Variants in COL19A1 observed in about 807,000 individuals in gnomAD.
COL19A1 encodes the protein collagen alpha-1(XIX) chain.
Under a neutral mutation model 190.2 loss-of-function variants are expected in COL19A1, and 159 were observed. That is an observed-to-expected ratio of 0.84 (90% CI 0.73 to 0.95). The LOEUF (loss-of-function observed/expected upper bound fraction) is 0.95, where lower values mean the gene tolerates loss of function less well. Ranked by LOEUF, COL19A1 falls within the 40% of genes least tolerant of loss-of-function variation. The pLI, the probability that COL19A1 is intolerant of heterozygous loss-of-function variation, is 0.00. For missense variants in COL19A1, 1,418 were observed against 1,431.9 expected (o/e 0.99, Z 0.16); for synonymous variants, 509 against 458.9 (o/e 1.11, Z -1.39).
At position 70,146,844 on chromosome 6, in the gene COL19A1, C is replaced by T. The variant is rs1786685430; in HGVS notation, c.1848C>T (p.Ser616=). The change falls in exon 27 of 51, where the codon TCC becomes TCT. Residue 616 remains serine (S), a synonymous_variant. Transcript: ENST00000620364. ...GERGLPGVHG[S]PGDIGPQGIG... is the part of the protein sequence containing the mutation. Reference sequence around the variant, plus strand: ...GAGGACTTCCAGGTGTTCACGGTTCCCCAGGGGACATAGGCCCACAAGGGA... The same window carrying T: ...GAGGACTTCCAGGTGTTCACGGTTCTCCAGGGGACATAGGCCCACAAGGGA... 1.3e-6 allele frequency: 2 copies of T among 1,596,250 alleles called. No individual in the cohort carries two copies. The highest frequency in any genetic ancestry group is 8.5e-7 in the Non-Finnish European group (1 of 1,172,706).
intron 15 of COL19A1, among the ~76,000 whole-genome samples, chr6:70,094,998 G>T (rs1457545210): frequency 6.6e-6 from 1 of 152,128 alleles, no homozygotes; most frequent in African/African-American, 2.4e-5. Context: ...ACATACTTAT[G>T]CAACCACCAC....
In COL19A1 at chr6:70,188,076, G is replaced by A; in HGVS notation, c.2858G>A (p.Gly953Asp). The change falls in exon 47 of 51, where the codon GGT becomes GAT. Residue 953 changes from glycine to aspartate, a missense_variant and splice_region_variant. Physicochemically the swap from Gly to Asp is moderately conservative, Grantham distance 94. Transcript: ENST00000620364. Reference protein sequence around the residue: ...PGDRGPKGERGDQGIPGDRGS... With the variant: ...PGDRGPKGERDDQGIPGDRGS... ...TTGTTATTATTTTTTCCTTAACAGG[G>A]TGATCAGGGGATTCCAGGAGACAGA... 2 of 1,612,812 alleles carry A rather than the reference G, an allele frequency of 1.2e-6. No homozygotes were observed. The highest frequency in any genetic ancestry group is 1.7e-6 in the Non-Finnish European group (2 of 1,179,538).
At chr6:69,898,830 A>G in intron 2 of COL19A1, 118 bp from the exon 3 acceptor site, 1 of 658,932 alleles carries the variant, frequency 1.5e-6, no homozygotes, top group Non-Finnish European at 2.6e-6. Flanking sequence ...TCCTCATTTT[A>G]CAGAAATTTA....
intron 46 of COL19A1, among the ~76,000 whole-genome samples, chr6:70,186,897 G>C (rs1336452287): frequency 6.6e-6 from 1 of 152,008 alleles, no homozygotes; most frequent in African/African-American, 2.4e-5. Context: ...TTTGTTTTGA[G>C]ACAGAGTTTC....
chr6:70,025,864 A>T (rs1324127692), intron 12 of COL19A1, among the ~76,000 whole-genome samples: 1 of 152,246 alleles, frequency 6.6e-6, no homozygotes, highest in African/African-American at 2.4e-5. Flanking sequence ...GAATGATGCT[A>T]AAGAGGTAAA....
At position 70,144,559 on chromosome 6, in the gene COL19A1, C is replaced by T. The variant is rs138875043; in HGVS notation, c.1680+296C>T. On this transcript the variant is annotated intron_variant, in intron 24 of 50. Transcript: ENST00000620364. ...TCTCTTAATCTTGCAGGATCTGTTT[C>T]TTGATATCTACATGGAAACAGTGCA... Among the ~76,000 whole-genome samples the T allele has an allele frequency of 2.8e-3, 433 of 152,262 alleles. 2 individuals carry two copies. Among genetic ancestry groups the T allele is most frequent in the Non-Finnish European group, 5.0e-3 (341 of 68,008 alleles).
intron 48 of COL19A1, among the ~76,000 whole-genome samples, chr6:70,191,787 T>A (rs998861700): frequency 6.6e-6 from 1 of 152,180 alleles, no homozygotes; most frequent in African/African-American, 2.4e-5. Flanking sequence ...TTAGCATCCA[T>A]AAGCCAAAAA....
intron 3 of COL19A1, among the ~76,000 whole-genome samples, chr6:69,899,828 A>C (rs1770045279): frequency 6.6e-6 from 1 of 152,144 alleles, no homozygotes; most frequent in Admixed American, 6.6e-5. Context: ...TCCTGTCATC[A>C]ATACACATTT....
chr6:69,922,568 C>G (rs1385661382), intron 4 of COL19A1, among the ~76,000 whole-genome samples: 1 of 150,004 alleles, frequency 6.7e-6, no homozygotes, highest in African/African-American at 2.5e-5. Context: ...GCAACCTTCA[C>G]CTCCTGGGTT....
At chr6:70,195,243 C>A (rs1320720331) in intron 48 of COL19A1, among the ~76,000 whole-genome samples, 3 of 151,384 alleles carry the variant, frequency 2.0e-5, no homozygotes, top group Non-Finnish European at 4.4e-5. Context: ...GGTTGCAACT[C>A]TGTTGTTCAG....
chr6:70,074,461 T>C (rs1426362520), intron 15 of COL19A1, among the ~76,000 whole-genome samples: 2 of 132,894 alleles, frequency 1.5e-5, no homozygotes, highest in Non-Finnish European at 3.0e-5. Flanking sequence ...ATTGTGCCAC[T>C]ATACTCCAGC....
intron 21 of COL19A1, 44 bp downstream of exon 21, chr6:70,141,972 G>C (rs1562213301): frequency 6.2e-7 from 1 of 1,610,124 alleles, no homozygotes; most frequent in Non-Finnish European, 8.5e-7. Context: ...ACCTTAATGA[G>C]ATTATGAAAA....
chr6:70,079,981 C>T (rs1582861146), intron 15 of COL19A1, among the ~76,000 whole-genome samples: 1 of 152,134 alleles, frequency 6.6e-6, no homozygotes, highest in East Asian at 1.9e-4. Flanking sequence ...ATTATCCAGA[C>T]ATACCGGAAG....
chr6:69,917,931 A>T (rs2149994737), intron 4 of COL19A1, among the ~76,000 whole-genome samples: 1 of 152,254 alleles, frequency 6.6e-6, no homozygotes, highest in East Asian at 1.9e-4. Context: ...GTGGGCGGTG[A>T]GTTGAGTAAT....
At chr6:70,023,606 G>A (rs763721123) in intron 11 of COL19A1, 21 bp from the exon 12 acceptor site, 2 of 1,594,422 alleles carry the variant, frequency 1.3e-6, no homozygotes, top group Admixed American at 3.6e-5. Context: ...ATTTTTCATT[G>A]TATAAATTGT....
At chr6:70,093,417 C>T (rs1040982311) in intron 15 of COL19A1, among the ~76,000 whole-genome samples, 1 of 152,108 alleles carries the variant, frequency 6.6e-6, no homozygotes, top group African/African-American at 2.4e-5. Context: ...TTGGCAATGA[C>T]AGGCCTAGAA....
chr6:70,208,932 A>G lies in COL19A1; in HGVS notation c.*1658A>G, dbSNP rs1014340411. On this transcript the variant is annotated 3_prime_UTR_variant, in exon 51 of 51. Coordinates refer to ENST00000620364, the MANE Select transcript of COL19A1 (RefSeq NM_001858.6). ...CTGTCTACAATGGCTGTGCATACCT[A>G]TAACATTTTAGGTATTTCATATTGA... The G allele has an allele frequency of 5.9e-5, 9 of 152,630 alleles. No homozygotes were observed. The highest frequency in any genetic ancestry group is 1.9e-4 in the East Asian group (1 of 5,194). 9.5% of individuals were successfully genotyped at this position (152,630 alleles called of 1,614,324 possible). A position where few individuals can be genotyped will look rare whatever the true frequency, so the allele number is the denominator to read the frequency against.
At position 70,156,705 on chromosome 6, in the gene COL19A1, T is replaced by C. The variant is rs1363028781; in HGVS notation, c.2274T>C (p.Pro758=). 3 of 1,611,252 alleles carry C rather than the reference T, an allele frequency of 1.9e-6. No homozygotes were observed. The highest frequency in any genetic ancestry group is 1.7e-5 in the Admixed American group (1 of 59,790). The part of the protein sequence containing the change: ...SKGERGYPGI[P]GEKGDEGLQG... ...GAGAGCGGGGCTACCCTGGGATACC[T>C]GGGGAGAAAGGCGATGAGGTAACAG... Residue 758 remains proline, a synonymous_variant, in exon 34 of 51, where the codon CCT becomes CCC. Transcript: ENST00000620364.
intron 15 of COL19A1, among the ~76,000 whole-genome samples, chr6:70,101,771 A>G (rs1481648160): frequency 6.6e-6 from 1 of 152,198 alleles, no homozygotes; most frequent in African/African-American, 2.4e-5. Context: ...TAACTCATAC[A>G]AAATTAGAAT....
Sources: allele counts gnomAD v4.1 joint callset (sites outside exome capture counted in the v4.1 genomes callset), GRCh38; gene constraint gnomAD v4.1.1; transcripts MANE v1.5; gene names NCBI Gene and HGNC (gene_info 2026-07-23, HGNC 2026-07-21).